Variants in MED13L observed in about 807,000 individuals in gnomAD.
The protein encoded by MED13L is mediator of RNA polymerase II transcription subunit 13-like.
A neutral mutation model predicts 220.9 loss-of-function variants in MED13L; 7 were observed. The observed-to-expected ratio is 0.03, with a 90% CI of 0.02 to 0.06. The LOEUF is 0.06. MED13L is among the 10% of genes least tolerant of loss of function. The pLI, the probability that MED13L is intolerant of heterozygous loss-of-function variation, is 1.00. For missense variants in MED13L, 1,965 were observed against 2,760.5 expected (o/e 0.71, Z 6.46); for synonymous variants, 1,011 against 1,015.2 (o/e 1.00, Z 0.08).
At chr12:116,192,952 G>A (rs1004309753) in intron 2 of MED13L, among the ~76,000 whole-genome samples, 1 of 152,170 alleles carries the variant, frequency 6.6e-6, no homozygotes, top group Admixed American at 6.5e-5. Flanking sequence ...CTAACACGGT[G>A]AAACCGCGTC....
intron 8 of MED13L, among the ~76,000 whole-genome samples, chr12:116,013,662 T>C (rs1284438165): frequency 2.0e-5 from 3 of 152,166 alleles, no homozygotes; most frequent in African/African-American, 4.8e-5. Context: ...AAATAGAAAA[T>C]AGAAGTATCG....
At chr12:116,227,180 C>CT (rs1438193289) in intron 2 of MED13L, among the ~76,000 whole-genome samples, 1 of 152,120 alleles carries the variant, frequency 6.6e-6, no homozygotes, top group Non-Finnish European at 1.5e-5. Flanking sequence ...CAAAGGTAGC[C>CT]TTCTGCTTCA....
chr12:116,092,458 T>TG (rs1388865759), intron 4 of MED13L, among the ~76,000 whole-genome samples: 3 of 151,192 alleles, frequency 2.0e-5, no homozygotes, highest in African/African-American at 7.3e-5. Context: ...ATTCAGAAAA[T>TG]GGAATAGCAG....
rs1285275788 is a variant in MED13L, at chr12:116,233,844, G to A, written c.310+3624C>T. 2.6e-5 allele frequency among the ~76,000 whole-genome samples: 4 copies of A among 152,098 alleles called. No homozygotes were observed. The East Asian group carries it at 7.7e-4, about 29-fold the overall frequency. ...CACGCATTAACAATTCCCCAGACAG[G>A]AACCCAAGTGTTTATCCAAGTGACA... On this transcript the variant is annotated intron_variant, in intron 2 of 30. Transcript: ENST00000281928.
At chr12:116,034,264 T>C (rs547633930) in intron 4 of MED13L, among the ~76,000 whole-genome samples, 34 of 152,142 alleles carry the variant, frequency 2.2e-4, no homozygotes, top group Non-Finnish European at 3.8e-4. Flanking sequence ...CAGTACTTAG[T>C]ATGGTGCTTG....
At chr12:116,058,207 A>T (rs1869132185) in intron 4 of MED13L, among the ~76,000 whole-genome samples, 1 of 152,186 alleles carries the variant, frequency 6.6e-6, no homozygotes, top group Non-Finnish European at 1.5e-5. Flanking sequence ...AAAAGTTCTA[A>T]ATGAAATGCA....
At chr12:116,259,592 TTC>T (rs1406116272) in intron 1 of MED13L, among the ~76,000 whole-genome samples, 1 of 152,070 alleles carries the variant, frequency 6.6e-6, no homozygotes, top group East Asian at 1.9e-4. Context: ...TGGTGAAAAG[TTC>T]TTTCTCTTAA....
intron 4 of MED13L, among the ~76,000 whole-genome samples, chr12:116,047,500 C>A (rs1463578515): frequency 6.6e-6 from 1 of 152,144 alleles, no homozygotes; most frequent in African/African-American, 2.4e-5. Flanking sequence ...CATACATCAG[C>A]TACATGATTC....
intron 16 of MED13L, among the ~76,000 whole-genome samples, chr12:115,994,735 T>C (rs1288357545): frequency 2.0e-5 from 3 of 152,218 alleles, no homozygotes; most frequent in East Asian, 3.9e-4. Flanking sequence ...TAACCCCTTA[T>C]GCGCCAAGGT....
At chr12:116,165,338 T>C (rs1348523027) in intron 2 of MED13L, among the ~76,000 whole-genome samples, 2 of 150,222 alleles carry the variant, frequency 1.3e-5, no homozygotes, top group Non-Finnish European at 1.5e-5. Context: ...CTTTTTTGTT[T>C]GTTTATTTTT....
intron 4 of MED13L, among the ~76,000 whole-genome samples, chr12:116,032,017 T>TTA (rs1880883449): frequency 6.6e-6 from 1 of 152,088 alleles, no homozygotes; most frequent in Non-Finnish European, 1.5e-5. Context: ...ATATATCCCA[T>TTA]TAGCAATAGC....
chr12:116,184,712 A>G (rs1403699196), intron 2 of MED13L, among the ~76,000 whole-genome samples: 1 of 152,212 alleles, frequency 6.6e-6, no homozygotes, highest in Non-Finnish European at 1.5e-5. Flanking sequence ...ATTTTAAAAA[A>G]TCAATAAAAG....
At chr12:116,139,094 A>T (rs1876830643) in intron 2 of MED13L, among the ~76,000 whole-genome samples, 1 of 152,232 alleles carries the variant, frequency 6.6e-6, no homozygotes, top group Admixed American at 6.5e-5. Context: ...TAGATGAGAC[A>T]CTGAACTTTC....
chr12:116,054,720 C>T (rs1379565632), intron 4 of MED13L, among the ~76,000 whole-genome samples: 1 of 152,184 alleles, frequency 6.6e-6, no homozygotes, highest in East Asian at 1.9e-4. Context: ...CAAGTGCGGA[C>T]AGGACACACA....
At chr12:116,127,545 A>C (rs1875701039) in intron 2 of MED13L, among the ~76,000 whole-genome samples, 1 of 152,218 alleles carries the variant, frequency 6.6e-6, no homozygotes, top group African/African-American at 2.4e-5. Context: ...ATTCAAAGGC[A>C]ATATTACCCA....
At chr12:116,102,710 C>CT (rs869201518) in intron 3 of MED13L, among the ~76,000 whole-genome samples, 1,515 of 68,632 alleles carry the variant, frequency 0.022, 95 homozygotes, top group East Asian at 0.051. Context: ...TTTCTTTTTT[C>CT]TTTTTTTTTT....
intron 2 of MED13L, among the ~76,000 whole-genome samples, chr12:116,181,934 T>C (rs1289708821): frequency 6.6e-6 from 1 of 152,240 alleles, no homozygotes; most frequent in Non-Finnish European, 1.5e-5. Context: ...AAATTTTCTT[T>C]TGATTGCTTG....
intron 4 of MED13L, among the ~76,000 whole-genome samples, chr12:116,052,488 T>C (rs1566032177): frequency 6.6e-6 from 1 of 152,232 alleles, no homozygotes; most frequent in African/African-American, 2.4e-5. Flanking sequence ...TGAACTATAC[T>C]GTAGAAATTA....
At chr12:116,271,924 A>G (rs1873394814) in intron 1 of MED13L, among the ~76,000 whole-genome samples, 1 of 152,118 alleles carries the variant, frequency 6.6e-6, no homozygotes, top group Non-Finnish European at 1.5e-5. Context: ...CACACAAATC[A>G]GTACTCCTAC....
Sources: allele counts gnomAD v4.1 joint callset (sites outside exome capture counted in the v4.1 genomes callset), GRCh38; gene constraint gnomAD v4.1.1; transcripts MANE v1.5; gene names NCBI Gene and HGNC (gene_info 2026-07-23, HGNC 2026-07-21).